CABIN1: variants seen among roughly 807,000 people sequenced by gnomAD.
CABIN1 encodes the protein calcineurin-binding protein cabin-1.
CABIN1 carries 133 observed loss-of-function variants against 227.7 expected under a neutral mutation model. The observed-to-expected ratio is 0.58, with a 90% CI of 0.51 to 0.67. The LOEUF (loss-of-function observed/expected upper bound fraction) is 0.67. Among genes scored for constraint, CABIN1 ranks in the 30% least tolerant of loss-of-function variants. The pLI is 0.00. For synonymous variants in CABIN1, 1,086 were observed against 1,155.1 expected (o/e 0.94, Z 1.21); for missense variants, 2,408 against 2,852.5 (o/e 0.84, Z 3.55).
chr22:24,071,851 CCTGCCTGCATGCCTGTCCT>C (rs2040110500), intron 17 of CABIN1, among the ~76,000 whole-genome samples: 1 of 152,172 alleles, frequency 6.6e-6, no homozygotes, highest in Non-Finnish European at 1.5e-5. Flanking sequence ...CCCTGGGGTC[CCTGCCTGCATGCCTGTCCT>C]CTGCCCCCAC....
chr22:24,105,304 C>T lies in CABIN1; in HGVS notation c.4117+7112C>T, dbSNP rs555941806. The stretch of plus-strand genomic sequence containing the variant: ...GTTTAATAAGCACTTGGCTGGCAGA[C>T]GCACATCCCCCTAAGGATTCAGAGG... On this transcript the variant is annotated intron_variant, in intron 26 of 36. Coordinates refer to ENST00000263119, the MANE Select transcript of CABIN1 (RefSeq NM_012295.4). Among the ~76,000 whole-genome samples the T allele has an allele frequency of 9.2e-5, 14 of 152,300 alleles. No homozygotes were observed. The East Asian group carries it at 9.6e-4, about 10-fold the overall frequency.
intron 6 of CABIN1, among the ~76,000 whole-genome samples, chr22:24,045,967 A>G (rs1381704266): frequency 6.6e-6 from 1 of 152,236 alleles, no homozygotes; most frequent in Non-Finnish European, 1.5e-5. Flanking sequence ...ATATGTGAAA[A>G]CATGTCAAGA....
chr22:24,031,811 G>A (rs1021132411), intron 1 of CABIN1, among the ~76,000 whole-genome samples: 2 of 152,222 alleles, frequency 1.3e-5, no homozygotes, highest in Non-Finnish European at 2.9e-5. Context: ...TCATCAGGGT[G>A]TGGCTTGAGC....
At chr22:24,091,999 T>A in intron 24 of CABIN1, 156 bp downstream of exon 24, 2 of 823,886 alleles carry the variant, frequency 2.4e-6, no homozygotes, top group Non-Finnish European at 1.9e-6. Flanking sequence ...AATTAAAACA[T>A]CATTTCCTCT....
At chr22:24,176,376 T>G in intron 35 of CABIN1, 101 bp downstream of exon 35, 3 of 1,304,432 alleles carry the variant, frequency 2.3e-6, no homozygotes, top group African/African-American at 2.9e-5. Flanking sequence ...GGGCAGGGCC[T>G]GGGGATGCCC....
At chr22:24,092,897 T>C (rs2000470) in intron 24 of CABIN1, among the ~76,000 whole-genome samples, 43,505 of 151,962 alleles carry the variant, frequency 0.29, 7,802 homozygotes, top group African/African-American at 0.51. Context: ...TTGCAGCTTG[T>C]CTTTTCGCTG....
At chr22:24,085,630 A>G (rs1295549987) in intron 22 of CABIN1, among the ~76,000 whole-genome samples, 1 of 152,176 alleles carries the variant, frequency 6.6e-6, no homozygotes, top group African/African-American at 2.4e-5. Flanking sequence ...AGCAGTAGCG[A>G]TTGTCATGAT....
intron 33 of CABIN1, among the ~76,000 whole-genome samples, chr22:24,169,649 G>A (rs566272232): frequency 1.2e-3 from 182 of 152,316 alleles, no homozygotes; most frequent in African/African-American, 4.3e-3. Context: ...GGGCCCCAGT[G>A]CTGGGCGCAG....
intron 5 of CABIN1, 144 bp downstream of exon 5, chr22:24,041,417 A>G (rs2037363601): frequency 3.9e-6 from 4 of 1,033,090 alleles, no homozygotes; most frequent in Non-Finnish European, 5.9e-6. Flanking sequence ...GGGTAGGTCC[A>G]TAGGTGATAA....
At chr22:24,097,881 C>A in intron 25 of CABIN1, 133 bp from the exon 26 acceptor site, 1 of 1,135,856 alleles carries the variant, frequency 8.8e-7, no homozygotes, top group Non-Finnish European at 1.3e-6. Flanking sequence ...TGACACCAGG[C>A]AGATGGGGTG....
At chr22:24,138,798 A>T (rs1412763148) in intron 29 of CABIN1, among the ~76,000 whole-genome samples, 6 of 152,158 alleles carry the variant, frequency 3.9e-5, no homozygotes, top group Non-Finnish European at 7.3e-5. Flanking sequence ...ATGGACAACT[A>T]TGTCAAAATG....
rs1225136396 is a variant in CABIN1 at position 24,178,309 on chromosome 22, A to G, written c.*113A>G. ...CCCACATGGATGCCACTCCCCACAC[A>G]GCCCCCAGGCCTGCCCAGCCCACCT... On this transcript the variant is annotated 3_prime_UTR_variant, in exon 37 of 37. Coordinates refer to ENST00000263119, the MANE Select transcript of CABIN1 (RefSeq NM_012295.4). 10 of 1,376,228 alleles carry G rather than the reference A, an allele frequency of 7.3e-6. No individual in the cohort carries two copies. The Admixed American group carries it at 1.4e-4, about 19-fold the overall frequency. The allele number at this position is 1,376,228 out of a possible 1,614,324, so 85.3% of individuals were successfully genotyped here.
chr22:24,083,134 G>C (rs1260606663), intron 19 of CABIN1, 94 bp from the exon 20 acceptor site: 1 of 1,296,232 alleles, frequency 7.7e-7, no homozygotes, highest in African/African-American at 1.5e-5. Context: ...GGTTAAAAGA[G>C]TTGATAGAGT....
intron 10 of CABIN1, among the ~76,000 whole-genome samples, chr22:24,057,370 G>A (rs2038879514): frequency 6.6e-6 from 1 of 152,208 alleles, no homozygotes; most frequent in African/African-American, 2.4e-5. Flanking sequence ...CCTTAGCTGA[G>A]TGGAGAGGCC....
intron 29 of CABIN1, among the ~76,000 whole-genome samples, chr22:24,140,458 G>A (rs1261401112): frequency 6.6e-6 from 1 of 152,176 alleles, no homozygotes; most frequent in Non-Finnish European, 1.5e-5. Flanking sequence ...CACCATGGAG[G>A]CTGAGGGTTT....
intron 26 of CABIN1, among the ~76,000 whole-genome samples, chr22:24,107,096 C>A (rs1352433176): frequency 6.6e-6 from 1 of 152,100 alleles, no homozygotes; most frequent in Non-Finnish European, 1.5e-5. Flanking sequence ...TGGGCGGGAA[C>A]CTTGGCAAGC....
In CABIN1 at chr22:24,055,104, T is replaced by C. The variant is rs1031053239; in HGVS notation, c.1038T>C (p.Ala346=). The change falls in exon 9 of 37, where the codon GCT becomes GCC. Residue 346 remains alanine, a synonymous_variant. Transcript: ENST00000263119. ...CTGTGGTCTCCTACACCTCTGTGGC[T>C]ACAACCAGCTTCCCACTGCACAGTC... ...AEPVVSYTSV[A]TTSFPLHSPG... is the part of the protein sequence containing the mutation. 8 of 1,613,994 alleles carry C rather than the reference T, an allele frequency of 5.0e-6. No individual in the cohort carries two copies. Among genetic ancestry groups the C allele is most frequent in the Non-Finnish European group, 6.8e-6 (8 of 1,180,054 alleles).
intron 24 of CABIN1, among the ~76,000 whole-genome samples, chr22:24,094,938 G>A (rs1035171095): frequency 4.0e-5 from 6 of 151,574 alleles, no homozygotes; most frequent in Non-Finnish European, 5.9e-5. Flanking sequence ...ATCTTTACTC[G>A]CCACTTGGAT....
chr22:24,128,882 A>G (rs1215976894), intron 28 of CABIN1, among the ~76,000 whole-genome samples: 1 of 152,184 alleles, frequency 6.6e-6, no homozygotes, highest in African/African-American at 2.4e-5. Context: ...GTCACCATGT[A>G]GGAGTTGTAG....
Sources: allele counts gnomAD v4.1 joint callset (sites outside exome capture counted in the v4.1 genomes callset), GRCh38; gene constraint gnomAD v4.1.1; transcripts MANE v1.5; gene names NCBI Gene and HGNC (gene_info 2026-07-23, HGNC 2026-07-21).